Variants in PRUNE2 observed in about 807,000 individuals in gnomAD.
PRUNE2 encodes the protein prune homolog 2 with BCH domain, also known as protein prune homolog 2.
Under a neutral mutation model 252.0 loss-of-function variants are expected in PRUNE2, and 164 were observed. The observed-to-expected ratio is 0.65, with a 90% CI of 0.57 to 0.74. The LOEUF is 0.74. Among genes scored for constraint, PRUNE2 ranks in the 30% least tolerant of loss-of-function variants. The pLI, the probability that PRUNE2 is intolerant of heterozygous loss-of-function variation, is 0.00. For synonymous variants in PRUNE2, 1,292 were observed against 1,350.2 expected (o/e 0.96, Z 0.94); for missense variants, 3,495 against 3,711.0 (o/e 0.94, Z 1.51).
At chr9:76,882,761 G>T (rs2061863900) in intron 1 of PRUNE2, among the ~76,000 whole-genome samples, 1 of 152,126 alleles carries the variant, frequency 6.6e-6, no homozygotes, top group East Asian at 1.9e-4. Flanking sequence ...CTTCCCACCA[G>T]GCACCCCCTC....
intron 6 of PRUNE2, among the ~76,000 whole-genome samples, chr9:76,728,394 T>C (rs2048304460): frequency 6.6e-6 from 1 of 152,018 alleles, no homozygotes; most frequent in South Asian, 2.1e-4. Context: ...CCCCATGAGA[T>C]TTAAATTTAA....
intron 4 of PRUNE2, among the ~76,000 whole-genome samples, chr9:76,844,287 T>G (rs2059554829): frequency 6.6e-6 from 1 of 152,170 alleles, no homozygotes; most frequent in African/African-American, 2.4e-5. Context: ...CATGAATGGC[T>G]TGGTACCCTC....
intron 1 of PRUNE2, among the ~76,000 whole-genome samples, chr9:76,887,280 TA>T (rs1394636373): frequency 6.6e-6 from 1 of 152,006 alleles, no homozygotes; most frequent in Non-Finnish European, 1.5e-5. Context: ...GATGACTAAA[TA>T]GCTACTGGAG....
intron 9 of PRUNE2, among the ~76,000 whole-genome samples, chr9:76,670,744 C>A (rs1403387220): frequency 6.6e-6 from 1 of 151,748 alleles, no homozygotes; most frequent in Admixed American, 6.6e-5. Context: ...GTCCCTGACC[C>A]CTGACCCCCG....
At chr9:76,866,200 A>C (rs1272985830) in intron 1 of PRUNE2, among the ~76,000 whole-genome samples, 1 of 152,232 alleles carries the variant, frequency 6.6e-6, no homozygotes, top group Non-Finnish European at 1.5e-5. Context: ...GAAGGGCATA[A>C]TTCTAATTAG....
chr9:76,831,030 C>T (rs576018568), intron 4 of PRUNE2, among the ~76,000 whole-genome samples: 2 of 151,570 alleles, frequency 1.3e-5, no homozygotes, highest in East Asian at 3.9e-4. Flanking sequence ...CCCGGGTTCA[C>T]ACCATTCTCC....
intron 1 of PRUNE2, among the ~76,000 whole-genome samples, chr9:76,881,060 T>G (rs911972093): frequency 1.3e-5 from 2 of 150,186 alleles, no homozygotes; most frequent in South Asian, 2.1e-4. Flanking sequence ...TCCCTCCCCC[T>G]GGGTTCAAGC....
chr9:76,892,791 G>A (rs2062565046), intron 1 of PRUNE2, among the ~76,000 whole-genome samples: 1 of 152,024 alleles, frequency 6.6e-6, no homozygotes, highest in Non-Finnish European at 1.5e-5. Flanking sequence ...TCTTTTTATG[G>A]GTAATTTTTC....
intron 6 of PRUNE2, among the ~76,000 whole-genome samples, chr9:76,790,929 A>C (rs2055486238): frequency 6.6e-6 from 1 of 152,266 alleles, no homozygotes; most frequent in African/African-American, 2.4e-5. Context: ...TTTTGAAGTC[A>C]AGAAAAGCAC....
intron 1 of PRUNE2, 28 bp downstream of exon 1, chr9:76,905,900 C>T: frequency 6.2e-7 from 1 of 1,614,094 alleles, no homozygotes; most frequent in Non-Finnish European, 8.5e-7. Context: ...CGCGCGCGCA[C>T]ACACACAGCT....
chr9:76,748,241 C>G (rs1326076013), intron 6 of PRUNE2, among the ~76,000 whole-genome samples: 1 of 152,170 alleles, frequency 6.6e-6, no homozygotes, highest in African/African-American at 2.4e-5. Flanking sequence ...AGTTCAAATG[C>G]AAAATCCTTT....
intron 4 of PRUNE2, among the ~76,000 whole-genome samples, chr9:76,836,584 C>T (rs1038292289): frequency 6.6e-6 from 1 of 152,058 alleles, no homozygotes; most frequent in African/African-American, 2.4e-5. Context: ...AGTAATGCTA[C>T]ATAAGTACGT....
chr9:76,705,353 T>C lies in PRUNE2; in HGVS notation c.6921A>G (p.Ser2307=), dbSNP rs2046236184. ...TTGTTCCCGTGGATGTGTTGAGACC[T>C]GAGGCATCGCTGAAACTGTGGTCAA... ...AAFDHSFSDA[S]GLNTSTGTID... The change falls in exon 8 of 19, where the codon TCA becomes TCG. Residue 2307 remains serine, a synonymous_variant. Coordinates refer to ENST00000376718, the MANE Select transcript of PRUNE2 (RefSeq NM_015225.3). 1 of 1,613,914 alleles carries C rather than the reference T, an allele frequency of 6.2e-7. No homozygotes were observed. Among genetic ancestry groups the C allele is most frequent in the Admixed American group, 1.7e-5 (1 of 60,004 alleles).
At chr9:76,820,362 A>C (rs925255790) in intron 6 of PRUNE2, among the ~76,000 whole-genome samples, 3 of 152,206 alleles carry the variant, frequency 2.0e-5, no homozygotes, top group Non-Finnish European at 4.4e-5. Flanking sequence ...AGGGGTTTAG[A>C]AGCTTTCTTC....
intron 3 of PRUNE2, among the ~76,000 whole-genome samples, chr9:76,847,372 AAAAATGACACTAG>A (rs1230519030): frequency 1.1e-4 from 16 of 152,148 alleles, no homozygotes; most frequent in Non-Finnish European, 2.2e-4. Flanking sequence ...AAAATGCACT[AAAAATGACACTAG>A]AAAATGACAC....
At position 76,705,396 on chromosome 9, in the gene PRUNE2, T is replaced by A; in HGVS notation, c.6878A>T (p.Asp2293Val). The A allele has an allele frequency of 6.2e-7, 1 of 1,613,986 alleles. No homozygotes were observed. Among genetic ancestry groups the A allele is most frequent in the Non-Finnish European group, 8.5e-7 (1 of 1,179,878 alleles). The change falls in exon 8 of 19, where the codon GAT becomes GTT. Residue 2293 changes from aspartate to valine, a missense_variant. Physicochemically the swap from Asp to Val is radical, Grantham distance 152. Transcript: ENST00000376718. ...GTGGTCAAAGGCAGCTTCGCTTATA[T>A]CCAGACAAGTGTCTGAGGCTAGCAA... ...DALLASDTCL[D>V]ISEAAFDHSF...
chr9:76,836,608 A>G lies in PRUNE2; in HGVS notation c.509-9876T>C, dbSNP rs182505268. Among the ~76,000 whole-genome samples, 63 of 152,314 alleles carry G rather than the reference A, an allele frequency of 4.1e-4. No individual in the cohort carries two copies. The East Asian group carries it at 0.011, about 27-fold the overall frequency. ...ACATAAGTACGTGCCTTTCCAAATG[A>G]AAGTGGATACTAATGATTTGTTTCC... On this transcript the variant is annotated intron_variant, in intron 4 of 18. Transcript: ENST00000376718.
chr9:76,823,810 A>T (rs558187673), intron 5 of PRUNE2, 84 bp from the exon 6 acceptor site: 3 of 794,330 alleles, frequency 3.8e-6, no homozygotes, highest in Non-Finnish European at 6.3e-6. Context: ...TGAAGAATTT[A>T]CTCTGTAAAT....
At chr9:76,771,860 C>G (rs576604777) in intron 6 of PRUNE2, among the ~76,000 whole-genome samples, 1 of 152,056 alleles carries the variant, frequency 6.6e-6, no homozygotes, top group Non-Finnish European at 1.5e-5. Context: ...GCAGACCACA[C>G]CCTAAGTGAG....
Sources: allele counts gnomAD v4.1 joint callset (sites outside exome capture counted in the v4.1 genomes callset), GRCh38; gene constraint gnomAD v4.1.1; transcripts MANE v1.5; gene names NCBI Gene and HGNC (gene_info 2026-07-23, HGNC 2026-07-21).